The following CFAP299 variants were observed in gnomAD, a reference collection of about 807,000 sequenced individuals.
CFAP299 encodes cilia and flagella associated protein 299.
Under a neutral mutation model 27.0 loss-of-function variants are expected in CFAP299, and 21 were observed. The ratio of observed to expected loss-of-function variants is 0.78; its 90% CI spans 0.55 to 1.12. The LOEUF is 1.12. Ranked by LOEUF, CFAP299 falls within the 50% of genes most tolerant of loss-of-function variation. The probability of loss-of-function intolerance (pLI) is 0.00; values close to 1 mark genes in which losing one functional copy is unlikely to be tolerated. For missense variants in CFAP299, 310 were observed against 276.6 expected (o/e 1.12, Z -0.86); for synonymous variants, 104 against 98.1 (o/e 1.06, Z -0.36).
At chr4:80,425,319 G>C (rs1293796907) in intron 2 of CFAP299, among the ~76,000 whole-genome samples, 1 of 152,084 alleles carries the variant, frequency 6.6e-6, no homozygotes, top group African/African-American at 2.4e-5. Flanking sequence ...ATGAGTAACT[G>C]CCTAACAAGC....
intron 3 of CFAP299, among the ~76,000 whole-genome samples, chr4:80,675,664 C>T (rs1330149353): frequency 6.6e-6 from 1 of 152,310 alleles, no homozygotes; most frequent in East Asian, 1.9e-4. Context: ...ACAGAGGCAG[C>T]AGGTCTTGCA....
intron 3 of CFAP299, among the ~76,000 whole-genome samples, chr4:80,589,468 A>G (rs1236351857): frequency 6.6e-6 from 1 of 152,236 alleles, no homozygotes; most frequent in Non-Finnish European, 1.5e-5. Context: ...AAAATTTAGT[A>G]AATCTGATTT....
chr4:80,329,015 C>T, the CFAP299 span, among the ~76,000 whole-genome samples: 5 of 152,056 alleles, frequency 3.3e-5, no homozygotes, highest in South Asian at 2.1e-4. Flanking sequence ...CAGCCCAGGA[C>T]GGCTTTAAAT....
At chr4:80,938,452 A>T (rs1435655908) in intron 4 of CFAP299, among the ~76,000 whole-genome samples, 1 of 152,228 alleles carries the variant, frequency 6.6e-6, no homozygotes, top group Non-Finnish European at 1.5e-5. Flanking sequence ...AGCCAAACGC[A>T]TCACTTTATT....
intron 2 of CFAP299, among the ~76,000 whole-genome samples, chr4:80,365,748 T>C (rs193004790): frequency 6.6e-6 from 1 of 152,326 alleles, no homozygotes; most frequent in Admixed American, 6.5e-5. Flanking sequence ...TACAAGGAAT[T>C]CCTGTAAATT....
chr4:80,830,574 G>A (rs1175607851), intron 3 of CFAP299, among the ~76,000 whole-genome samples: 1 of 152,030 alleles, frequency 6.6e-6, no homozygotes, highest in Non-Finnish European at 1.5e-5. Flanking sequence ...CCAAAATGAG[G>A]ATGATCTTGT....
At chr4:80,702,731 G>T (rs1485258683) in intron 3 of CFAP299, among the ~76,000 whole-genome samples, 1 of 151,806 alleles carries the variant, frequency 6.6e-6, no homozygotes, top group East Asian at 1.9e-4. Context: ...TCTCAATAAA[G>T]TTAGCTTATA....
At chr4:80,500,156 TAATC>T (rs1212942554) in intron 2 of CFAP299, among the ~76,000 whole-genome samples, 1 of 152,148 alleles carries the variant, frequency 6.6e-6, no homozygotes, top group Non-Finnish European at 1.5e-5. Flanking sequence ...GACTTCTAGT[TAATC>T]AATCCATTGA....
At position 80,916,252 on chromosome 4, in the gene CFAP299, A is replaced by AATATATATATATAT. The variant is rs10696316; in HGVS notation, c.477-28527_477-28514dup. 8.5e-3 allele frequency among the ~76,000 whole-genome samples: 520 copies of AATATATATATATAT among 60,826 alleles called. 17 individuals are homozygous for AATATATATATATAT. The highest frequency in any genetic ancestry group is 0.01 in the South Asian group (14 of 1,334). The allele number at this position is 60,826 out of a possible 152,430, so 39.9% of individuals were successfully genotyped here. A position where few individuals can be genotyped will look rare whatever the true frequency, so the allele number is the denominator to read the frequency against. On this transcript the variant is annotated intron_variant, in intron 4 of 5. Transcript: ENST00000358105. ...ACTCTGGTCTGGGCAACTAGACTGA[A>AATATATATATATAT]ATATATATATATATATATATATATA...
At chr4:80,443,090 C>T (rs1290158251) in intron 2 of CFAP299, among the ~76,000 whole-genome samples, 1 of 152,140 alleles carries the variant, frequency 6.6e-6, no homozygotes, top group African/African-American at 2.4e-5. Flanking sequence ...GATTCACAGC[C>T]GAATTCTCCC....
chr4:80,547,272 T>A (rs1734281093), intron 2 of CFAP299, among the ~76,000 whole-genome samples: 1 of 152,024 alleles, frequency 6.6e-6, no homozygotes, highest in African/African-American at 2.4e-5. Flanking sequence ...TAACAAACAA[T>A]GAGGAAAGGA....
chr4:80,457,949 T>C (rs1729247913), intron 2 of CFAP299, among the ~76,000 whole-genome samples: 1 of 152,184 alleles, frequency 6.6e-6, no homozygotes, highest in Non-Finnish European at 1.5e-5. Flanking sequence ...CGACGTCCAT[T>C]TCTATCCTGT....
At chr4:80,730,228 T>TTCTCTC (rs569112636) in intron 3 of CFAP299, among the ~76,000 whole-genome samples, 2,879 of 133,976 alleles carry the variant, frequency 0.021, 92 homozygotes, top group African/African-American at 0.074. Context: ...AGGTCTCTCT[T>TTCTCTC]TCTCTCTCTC....
chr4:80,631,872 C>G lies in CFAP299; in HGVS notation c.333+48689C>G, dbSNP rs543305767. Among the ~76,000 whole-genome samples the G allele has an allele frequency of 1.2e-4, 15 of 120,472 alleles. 1 individual carries two copies. Among genetic ancestry groups the G allele is most frequent in the African/African-American group, 2.9e-4 (10 of 34,100 alleles). 79.0% of individuals were successfully genotyped at this position (120,472 alleles called of 152,430 possible). A position where few individuals can be genotyped will look rare whatever the true frequency, so the allele number is the denominator to read the frequency against. On this transcript the variant is annotated intron_variant, in intron 3 of 5. Coordinates refer to ENST00000358105, the MANE Select transcript of CFAP299 (RefSeq NM_152770.3). The stretch of plus-strand genomic sequence containing the variant: ...CTGAATATTTGTGCCCCACCCCCCC[C>G]CAACCAAATTCATATGTTAACATTC...
intron 2 of CFAP299, among the ~76,000 whole-genome samples, chr4:80,396,803 G>A (rs898607871): frequency 8.5e-5 from 13 of 152,132 alleles, no homozygotes; most frequent in African/African-American, 3.1e-4. Flanking sequence ...GAGGATTTTA[G>A]CATCGATGTT....
intron 3 of CFAP299, among the ~76,000 whole-genome samples, chr4:80,720,491 A>G (rs1470567748): frequency 6.6e-6 from 1 of 152,156 alleles, no homozygotes; most frequent in Admixed American, 6.5e-5. Flanking sequence ...ATTAATTATA[A>G]GTAATTTTAC....
chr4:80,406,841 G>C (rs186152639), intron 2 of CFAP299, among the ~76,000 whole-genome samples: 115 of 152,250 alleles, frequency 7.6e-4, no homozygotes, highest in African/African-American at 2.7e-3. Context: ...ACCTTGAAGG[G>C]TAAGTGTGCT....
At chr4:80,643,076 C>T (rs952741023) in intron 3 of CFAP299, among the ~76,000 whole-genome samples, 2 of 151,884 alleles carry the variant, frequency 1.3e-5, no homozygotes, top group African/African-American at 4.8e-5. Flanking sequence ...AAAGGAGGAT[C>T]GCTTGAGCCT....
chr4:80,499,361 G>GT (rs1225129249), intron 2 of CFAP299, among the ~76,000 whole-genome samples: 5 of 152,032 alleles, frequency 3.3e-5, no homozygotes, highest in African/African-American at 4.8e-5. Flanking sequence ...TTTAGTTGTA[G>GT]TTTTTTATTG....
Sources: gnomAD v4.1 joint callset for allele counts (sites outside exome capture counted in the v4.1 genomes callset) on GRCh38, gnomAD v4.1.1 for gene constraint, MANE v1.5 for transcripts, NCBI Gene and HGNC (gene_info 2026-07-23, HGNC 2026-07-21) for gene names.